The following GRK3 variants were observed in gnomAD, a reference collection of about 807,000 sequenced individuals.
GRK3 encodes G protein-coupled receptor kinase 3.
In GRK3, 54 loss-of-function variants were observed where a neutral mutation model predicts 95.7. That is an observed-to-expected ratio of 0.56 (90% confidence interval 0.45 to 0.71). The LOEUF (loss-of-function observed/expected upper bound fraction) is 0.71, where lower values mean the gene tolerates loss of function less well. Ranked by LOEUF, GRK3 falls within the 30% of genes least tolerant of loss-of-function variation. The pLI is 0.00. For synonymous variants in GRK3, 281 were observed against 290.8 expected (o/e 0.97, Z 0.34); for missense variants, 649 against 851.2 (o/e 0.76, Z 2.96).
chr22:25,695,723 A>G (rs141948934), intron 13 of GRK3, among the ~76,000 whole-genome samples: 2,032 of 152,158 alleles, frequency 0.013, 24 homozygotes, highest in Middle Eastern at 0.041. Context: ...CACAGACATC[A>G]CACACACAGG....
intron 11 of GRK3, among the ~76,000 whole-genome samples, chr22:25,689,821 T>G (rs992426842): frequency 1.6e-4 from 25 of 152,238 alleles, no homozygotes; most frequent in Non-Finnish European, 3.1e-4. Flanking sequence ...CAGAAGCTGG[T>G]GGACTCACCT....
intron 1 of GRK3, among the ~76,000 whole-genome samples, chr22:25,595,158 G>T (rs2084363995): frequency 6.6e-6 from 1 of 152,120 alleles, no homozygotes; most frequent in South Asian, 2.1e-4. Context: ...TAGTACTGGA[G>T]CAGTCAGGCA....
chr22:25,667,716 A>T, intron 5 of GRK3, 23 bp from the exon 6 acceptor site: 1 of 1,579,256 alleles, frequency 6.3e-7, no homozygotes, highest in South Asian at 1.1e-5. Flanking sequence ...TTCACCGTGG[A>T]ATTTCTTTTC....
At chr22:25,661,994 A>C (rs2084912544) in intron 4 of GRK3, among the ~76,000 whole-genome samples, 1 of 152,270 alleles carries the variant, frequency 6.6e-6, no homozygotes. Context: ...TTATTATTTT[A>C]AAATGAGCTA....
chr22:25,650,546 C>T (rs8142086), intron 3 of GRK3, among the ~76,000 whole-genome samples: 13,849 of 151,740 alleles, frequency 0.091, 783 homozygotes, highest in Middle Eastern at 0.16. Context: ...TTGCTCATGT[C>T]GAAATAGATG....
intron 6 of GRK3, among the ~76,000 whole-genome samples, chr22:25,671,587 T>G (rs1462398411): frequency 6.6e-6 from 1 of 152,188 alleles, no homozygotes; most frequent in Non-Finnish European, 1.5e-5. Flanking sequence ...TGGGTTCAAA[T>G]TCCACTCTCC....
chr22:25,638,480 G>A (rs1033300897), intron 2 of GRK3, among the ~76,000 whole-genome samples: 2 of 152,178 alleles, frequency 1.3e-5, no homozygotes, highest in Non-Finnish European at 2.9e-5. Flanking sequence ...CATGGATTAC[G>A]TGTTCCCTTT....
rs1031078411 is a variant in GRK3, at chr22:25,722,716, T to C, written c.*266T>C. 3.3e-5 allele frequency: 11 copies of C among 333,872 alleles called. No individual in the cohort carries two copies. Among genetic ancestry groups the C allele is most frequent in the African/African-American group, 1.7e-4 (8 of 47,936 alleles). 20.7% of individuals were successfully genotyped at this position (333,872 alleles called of 1,614,324 possible). ...TAGAACTTGAAGTGACTCCTACTTATCACGTAAATTTTTATGTCTGATATC... is the reference window on the plus strand; with the variant it reads ...TAGAACTTGAAGTGACTCCTACTTACCACGTAAATTTTTATGTCTGATATC... On this transcript the variant is annotated 3_prime_UTR_variant, in exon 21 of 21. Coordinates refer to ENST00000324198, the MANE Select transcript of GRK3 (RefSeq NM_005160.4).
chr22:25,624,933 T>C (rs2084615790), intron 2 of GRK3, among the ~76,000 whole-genome samples: 1 of 151,880 alleles, frequency 6.6e-6, no homozygotes, highest in Non-Finnish European at 1.5e-5. Context: ...TTTTTTTTTT[T>C]TGAGACGGAG....
intron 1 of GRK3, among the ~76,000 whole-genome samples, chr22:25,595,454 G>A (rs961380570): frequency 4.6e-5 from 7 of 152,186 alleles, no homozygotes; most frequent in African/African-American, 7.2e-5. Flanking sequence ...TACTTTTTGT[G>A]TGTAGTATTA....
chr22:25,617,421 G>A (rs751311398), intron 2 of GRK3, among the ~76,000 whole-genome samples: 6 of 152,122 alleles, frequency 3.9e-5, no homozygotes, highest in African/African-American at 1.4e-4. Context: ...GAATATACCC[G>A]ATTTCCTATT....
intron 16 of GRK3, 52 bp from the exon 17 acceptor site, chr22:25,711,015 AC>A: frequency 8.9e-7 from 1 of 1,121,764 alleles, no homozygotes; most frequent in Non-Finnish European, 1.3e-6. Context: ...TTAGGTTGGG[AC>A]AGGGCCATAC....
intron 11 of GRK3, among the ~76,000 whole-genome samples, 165 bp from the exon 12 acceptor site, chr22:25,690,024 T>C (rs1380122117): frequency 6.6e-6 from 1 of 152,192 alleles, no homozygotes; most frequent in Non-Finnish European, 1.5e-5. Flanking sequence ...AAGATATTAT[T>C]CTCAGTATCA....
At chr22:25,575,082 A>T (rs935334275) in intron 1 of GRK3, among the ~76,000 whole-genome samples, 6 of 152,182 alleles carry the variant, frequency 3.9e-5, no homozygotes, top group African/African-American at 1.4e-4. Context: ...GTGGACAGGG[A>T]TTTATTAGAG....
intron 17 of GRK3, 22 bp from the exon 18 acceptor site, chr22:25,714,386 C>G: frequency 6.3e-7 from 1 of 1,590,972 alleles, no homozygotes; most frequent in African/African-American, 1.4e-5. Flanking sequence ...TCATAAATAT[C>G]TTGATTTCTT....
rs552327988 is a variant in GRK3, at chr22:25,714,849, C to A, written c.1654+279C>A. Among the ~76,000 whole-genome samples the A allele has an allele frequency of 3.3e-5, 5 of 152,162 alleles. No individual in the cohort carries two copies. In the East Asian group the frequency reaches 9.7e-4, roughly 29 times the overall value. ...GGACTGGTTTGGACGTTTTTTCCTT[C>A]CAGATTGAGTATGACAGTGTCTGGA... On this transcript the variant is annotated intron_variant, in intron 18 of 20. Coordinates refer to ENST00000324198, the MANE Select transcript of GRK3 (RefSeq NM_005160.4).
At chr22:25,629,779 A>T (rs1186223798) in intron 2 of GRK3, among the ~76,000 whole-genome samples, 1 of 152,196 alleles carries the variant, frequency 6.6e-6, no homozygotes, top group East Asian at 1.9e-4. Flanking sequence ...TCCAGATCTG[A>T]TGTGAGTAGC....
At chr22:25,565,364 C>G (rs571260724) in intron 1 of GRK3, among the ~76,000 whole-genome samples, 1 of 152,182 alleles carries the variant, frequency 6.6e-6, no homozygotes. Context: ...AGAGAGCGCT[C>G]CAAAGTGCCC....
chr22:25,718,888 A>G (rs1197425581), intron 19 of GRK3, among the ~76,000 whole-genome samples: 1 of 152,234 alleles, frequency 6.6e-6, no homozygotes, highest in Admixed American at 6.5e-5. Flanking sequence ...TGCGGGAAAA[A>G]GAAATTTAAA....
Sources: allele counts gnomAD v4.1 joint callset (sites outside exome capture counted in the v4.1 genomes callset), GRCh38; gene constraint gnomAD v4.1.1; transcripts MANE v1.5; gene names NCBI Gene and HGNC (gene_info 2026-07-23, HGNC 2026-07-21).